MORC1: variants seen among roughly 807,000 people sequenced by gnomAD.
The protein encoded by MORC1 is MORC family CW-type zinc finger 1, also known as MORC family CW-type zinc finger protein 1.
A neutral mutation model predicts 134.9 loss-of-function variants in MORC1; 59 were observed. The observed-to-expected ratio is 0.44, with a 90% CI of 0.35 to 0.54. The LOEUF (loss-of-function observed/expected upper bound fraction) is 0.54. Among genes scored for constraint, MORC1 ranks in the 20% least tolerant of loss-of-function variants. The pLI, the probability that MORC1 is intolerant of heterozygous loss-of-function variation, is 0.00. For synonymous variants in MORC1, 395 were observed against 391.7 expected (o/e 1.01, Z -0.10); for missense variants, 947 against 1,134.5 (o/e 0.83, Z 2.37).
chr3:108,996,162 AGAG>A (rs1411957350), intron 21 of MORC1, among the ~76,000 whole-genome samples: 1 of 152,198 alleles, frequency 6.6e-6, no homozygotes, highest in Non-Finnish European at 1.5e-5. Context: ...CAGGTTATGA[AGAG>A]GTGAGATGAG....
At chr3:108,974,481 AT>A (rs1178960807) in intron 24 of MORC1, among the ~76,000 whole-genome samples, 2 of 152,142 alleles carry the variant, frequency 1.3e-5, no homozygotes, top group Non-Finnish European at 2.9e-5. Context: ...CAAACTTGAG[AT>A]TTCCCCTAGA....
intron 20 of MORC1, among the ~76,000 whole-genome samples, chr3:109,004,118 C>T (rs9815668): frequency 0.42 from 63,489 of 151,952 alleles, 13,899 homozygotes; most frequent in Middle Eastern, 0.55. Context: ...TTTGAAAAGA[C>T]CATGCATAAA....
chr3:109,039,137 A>C (rs1334151136), intron 14 of MORC1, among the ~76,000 whole-genome samples: 1 of 152,058 alleles, frequency 6.6e-6, no homozygotes, highest in East Asian at 1.9e-4. Flanking sequence ...GTTGGTCTTG[A>C]ACTCCTGACC....
chr3:109,009,204 G>T (rs537829850), intron 17 of MORC1, among the ~76,000 whole-genome samples: 6,433 of 96,292 alleles, frequency 0.067, 308 homozygotes, highest in Non-Finnish European at 0.096. Flanking sequence ...TACGTTTTTT[G>T]TTGTTTTTTT....
At chr3:109,040,936 A>G (rs1275601721) in intron 14 of MORC1, among the ~76,000 whole-genome samples, 1 of 152,064 alleles carries the variant, frequency 6.6e-6, no homozygotes. Context: ...TAAAAAGAAA[A>G]TAGAAATTAT....
rs182263308 is a variant in MORC1 at position 109,072,984 on chromosome 3, C to G, written c.690-3227G>C. Among the ~76,000 whole-genome samples the G allele has an allele frequency of 5.9e-4, 87 of 148,576 alleles. 1 individual carries two copies. The East Asian group carries it at 0.016, about 27-fold the overall frequency. On this transcript the variant is annotated intron_variant, in intron 8 of 27. Coordinates refer to ENST00000232603, the MANE Select transcript of MORC1 (RefSeq NM_014429.4). Reference sequence around the variant, plus strand: ...ACACACATACACACACACACACACACAGTCACAGGACAGATGTGGGGAAAG... The same window carrying G: ...ACACACATACACACACACACACACAGAGTCACAGGACAGATGTGGGGAAAG...
chr3:109,087,083 A>G (rs1302214166), intron 8 of MORC1, among the ~76,000 whole-genome samples: 1 of 151,990 alleles, frequency 6.6e-6, no homozygotes, highest in Non-Finnish European at 1.5e-5. Context: ...CAATGAGTTA[A>G]TATTTGTAAT....
intron 8 of MORC1, among the ~76,000 whole-genome samples, chr3:109,070,664 C>T (rs1950297507): frequency 6.7e-6 from 1 of 150,246 alleles, no homozygotes; most frequent in African/African-American, 2.5e-5. Context: ...CAGAATAAGA[C>T]AAAGATGATG....
At chr3:109,081,089 G>A (rs1950511723) in intron 8 of MORC1, among the ~76,000 whole-genome samples, 1 of 152,048 alleles carries the variant, frequency 6.6e-6, no homozygotes, top group African/African-American at 2.4e-5. Flanking sequence ...AATAAACTAA[G>A]ATTCTTAGAG....
chr3:109,048,632 G>A (rs1392722969), intron 14 of MORC1, among the ~76,000 whole-genome samples: 1 of 152,166 alleles, frequency 6.6e-6, no homozygotes, highest in Non-Finnish European at 1.5e-5. Context: ...CTATTCTGGA[G>A]GCTGGAAGCC....
In MORC1 at chr3:108,959,124, GA is replaced by G; in HGVS notation, c.2800-5del. On this transcript the variant is annotated splice_region_variant and splice_polypyrimidine_tract_variant and intron_variant, in intron 27 of 27. Coordinates refer to ENST00000232603, the MANE Select transcript of MORC1 (RefSeq NM_014429.4). ...CCAGGTCACCTTCTGGACCACCCTG[GA>G]AAAGAGAAGCAACAGTCACACCAGG... 6.4e-7 allele frequency: 1 copy of G among 1,572,018 alleles called. No individual in the cohort carries two copies. Among genetic ancestry groups the G allele is most frequent in the Non-Finnish European group, 8.6e-7 (1 of 1,163,758 alleles).
intron 8 of MORC1, among the ~76,000 whole-genome samples, chr3:109,079,129 A>G (rs1950478892): frequency 6.6e-6 from 1 of 152,088 alleles, no homozygotes; most frequent in Non-Finnish European, 1.5e-5. Flanking sequence ...TGAGGCTACC[A>G]TAATCTATAT....
rs148685297 is a variant in MORC1 at position 108,971,795 on chromosome 3, T to C, written c.2478-393A>G. 8.1e-4 allele frequency among the ~76,000 whole-genome samples: 109 copies of C among 133,810 alleles called. 1 individual carries two copies. The East Asian group carries it at 0.022, about 27-fold the overall frequency. 87.8% of individuals were successfully genotyped at this position (133,810 alleles called of 152,430 possible). A position where few individuals can be genotyped will look rare whatever the true frequency, so the allele number is the denominator to read the frequency against. ...TACATTTATCTCAAAATAAAAAGGT[T>C]ACTGAAAGAGGAAGGAAGGAAGGAA... is the stretch of plus-strand genomic sequence containing the variant. On this transcript the variant is annotated intron_variant, in intron 24 of 27. Transcript: ENST00000232603.
intron 22 of MORC1, 121 bp downstream of exon 22, chr3:108,986,759 T>TTTTTTAAAATTAAAATA: frequency 2.9e-6 from 2 of 690,776 alleles, no homozygotes; most frequent in Non-Finnish European, 4.7e-6. Flanking sequence ...ACAAACTTAA[T>TTTTTTAAAATTAAAATA]TTTTTAAAAT....
chr3:109,117,331 CAA>C (rs202128565), intron 1 of MORC1, among the ~76,000 whole-genome samples: 3,046 of 113,542 alleles, frequency 0.027, 46 homozygotes, highest in Non-Finnish European at 0.034. Context: ...CAAAAGATGT[CAA>C]AAAAAAAAAA....
chr3:109,061,441 A>T (rs1356153486), intron 11 of MORC1, among the ~76,000 whole-genome samples: 3 of 152,178 alleles, frequency 2.0e-5, no homozygotes, highest in Admixed American at 2.0e-4. Flanking sequence ...AATTACAAAG[A>T]ATGTTTATGA....
At chr3:109,001,356 C>T (rs922493441) in intron 20 of MORC1, among the ~76,000 whole-genome samples, 9 of 152,180 alleles carry the variant, frequency 5.9e-5, no homozygotes, top group African/African-American at 2.2e-4. Flanking sequence ...TCATCTTCCA[C>T]TTAGCAGTAA....
Position 109,114,379 on chromosome 3 carries a change from C to A in MORC1, c.119+5G>T. 6.2e-7 allele frequency: 1 copy of A among 1,609,376 alleles called. No homozygotes were observed. The highest frequency in any genetic ancestry group is 8.5e-7 in the Non-Finnish European group (1 of 1,176,586). On this transcript the variant is annotated splice_donor_5th_base_variant and intron_variant, in intron 2 of 27. Coordinates refer to ENST00000232603, the MANE Select transcript of MORC1 (RefSeq NM_014429.4). The stretch of plus-strand genomic sequence containing the variant: ...CAGTAACTGTTGTTTACAGATAAAC[C>A]TTACCTTGCATTGTCCAGCAATTCA...
Position 109,062,070 on chromosome 3 carries a change from A to T in MORC1, c.896-12T>A, listed in dbSNP as rs753870488. On this transcript the variant is annotated splice_polypyrimidine_tract_variant and intron_variant, in intron 10 of 27. Transcript: ENST00000232603. ...CAATATGGATTCAGCTGGAAGTAGAAGCCAAATAGTTATAACACAGCAAAA... is the reference window on the plus strand; with the variant it reads ...CAATATGGATTCAGCTGGAAGTAGATGCCAAATAGTTATAACACAGCAAAA... 1 of 1,613,568 alleles carries T rather than the reference A, an allele frequency of 6.2e-7. No individual in the cohort carries two copies. Among genetic ancestry groups the T allele is most frequent in the East Asian group, 2.2e-5 (1 of 44,856 alleles).
Sources: gnomAD v4.1 joint callset for allele counts (sites outside exome capture counted in the v4.1 genomes callset) on GRCh38, gnomAD v4.1.1 for gene constraint, MANE v1.5 for transcripts, NCBI Gene and HGNC (gene_info 2026-07-23, HGNC 2026-07-21) for gene names.